The following TIAM1 variants were observed in gnomAD, a reference collection of about 807,000 sequenced individuals.
TIAM1 encodes the protein rho guanine nucleotide exchange factor TIAM1.
Under a neutral mutation model 163.5 loss-of-function variants are expected in TIAM1, and 65 were observed. The ratio of observed to expected loss-of-function variants is 0.40; its 90% confidence interval spans 0.33 to 0.49. TIAM1 has a LOEUF of 0.49. Ranked by LOEUF, TIAM1 falls within the 20% of genes least tolerant of loss-of-function variation. The pLI is 0.77. For missense variants in TIAM1, 1,789 were observed against 2,044.7 expected (o/e 0.87, Z 2.41); for synonymous variants, 833 against 810.1 (o/e 1.03, Z -0.48).
chr21:31,337,020 C>T (rs1368304146), intron 2 of TIAM1, among the ~76,000 whole-genome samples: 7 of 152,194 alleles, frequency 4.6e-5, no homozygotes, highest in Non-Finnish European at 8.8e-5. Flanking sequence ...TGGAGGAACA[C>T]ACAATAGCAC....
At chr21:31,258,193 G>A (rs887107460) in intron 4 of TIAM1, among the ~76,000 whole-genome samples, 3 of 152,110 alleles carry the variant, frequency 2.0e-5, no homozygotes, top group Non-Finnish European at 4.4e-5. Flanking sequence ...CGAGCTTGTG[G>A]ATCTTTCCTT....
chr21:31,320,719 C>T (rs1762856), intron 2 of TIAM1, among the ~76,000 whole-genome samples: 60,454 of 152,026 alleles, frequency 0.4, 12,291 homozygotes, highest in South Asian at 0.53. Context: ...TTGGGCTGGG[C>T]GCGGCGGCTC....
chr21:31,292,047 G>C (rs1210496043), intron 2 of TIAM1, among the ~76,000 whole-genome samples: 4 of 152,182 alleles, frequency 2.6e-5, no homozygotes, highest in Non-Finnish European at 4.4e-5. Context: ...CATAGGCTTA[G>C]GATCTGAGAG....
At chr21:31,394,605 G>C (rs1253929531) in intron 2 of TIAM1, among the ~76,000 whole-genome samples, 2 of 152,000 alleles carry the variant, frequency 1.3e-5, no homozygotes, top group Admixed American at 1.3e-4. Context: ...GAGTGAGAGA[G>C]GAAGGGGCGT....
chr21:31,152,289 T>TC (rs575519869), intron 19 of TIAM1, among the ~76,000 whole-genome samples: 32 of 152,304 alleles, frequency 2.1e-4, no homozygotes, highest in African/African-American at 7.2e-4. Flanking sequence ...CGCCTTGGCC[T>TC]CCCAAAGTGC....
chr21:31,439,062 T>C (rs1318232765), intron 2 of TIAM1, among the ~76,000 whole-genome samples: 3 of 152,182 alleles, frequency 2.0e-5, no homozygotes, highest in Non-Finnish European at 4.4e-5. Context: ...AGCGATTACC[T>C]GATGTCATGC....
At chr21:31,320,989 CA>C (rs113119269) in intron 2 of TIAM1, among the ~76,000 whole-genome samples, 1,897 of 137,150 alleles carry the variant, frequency 0.014, 37 homozygotes, top group African/African-American at 0.044. Context: ...GACTCTGTCT[CA>C]AAAAAAAAAA....
chr21:31,485,066 A>G (rs747216403), intron 1 of TIAM1, among the ~76,000 whole-genome samples: 2 of 151,582 alleles, frequency 1.3e-5, no homozygotes, highest in Non-Finnish European at 2.9e-5. Context: ...CCGTGAGCCA[A>G]ATAAACTTCT....
intron 6 of TIAM1, among the ~76,000 whole-genome samples, chr21:31,239,754 T>C (rs866069766): frequency 3.3e-5 from 5 of 152,128 alleles, no homozygotes; most frequent in South Asian, 2.1e-4. Context: ...AAAGATGATA[T>C]TGAAATGGTC....
chr21:31,409,655 G>A (rs2077311247), intron 2 of TIAM1, among the ~76,000 whole-genome samples: 2 of 152,264 alleles, frequency 1.3e-5, no homozygotes, highest in Non-Finnish European at 2.9e-5. Flanking sequence ...CGCTTCCCTT[G>A]CAGCCATGGC....
At position 31,451,710 on chromosome 21, in the gene TIAM1, TGTGTGTGC is replaced by T. The variant is rs1416744828; in HGVS notation, c.-369+12265_-369+12272del. 1.1e-3 allele frequency among the ~76,000 whole-genome samples: 62 copies of T among 54,968 alleles called. 1 individual carries two copies. Among genetic ancestry groups the T allele is most frequent in the South Asian group, 2.1e-3 (2 of 954 alleles). The allele number at this position is 54,968 out of a possible 152,430, so 36.1% of individuals were successfully genotyped here. ...CCAGGCACCAGGCTGAGTGAAAGCA[TGTGTGTGC>T]GTGTGTGTGTGTGTGTGTGTGTGTG... On this transcript the variant is annotated intron_variant, in intron 2 of 28. Coordinates refer to the TIAM1 transcript ENST00000286827.
chr21:31,327,589 C>G (rs11088167), intron 2 of TIAM1, among the ~76,000 whole-genome samples: 2 of 130,902 alleles, frequency 1.5e-5, no homozygotes, highest in South Asian at 5.2e-4. Context: ...TTGCAGTGAG[C>G]TGAGATGTGC....
chr21:31,190,114 T>A (rs1230665250), intron 13 of TIAM1, among the ~76,000 whole-genome samples: 1 of 152,046 alleles, frequency 6.6e-6, no homozygotes, highest in African/African-American at 2.4e-5. Flanking sequence ...AATTAAGTGA[T>A]GAAACTAAGG....
At chr21:31,458,491 A>AAT (rs1167811863) in intron 2 of TIAM1, among the ~76,000 whole-genome samples, 1 of 152,160 alleles carries the variant, frequency 6.6e-6, no homozygotes, top group Non-Finnish European at 1.5e-5. Context: ...GATAGATCAC[A>AAT]ATATATATTT....
At chr21:31,396,387 G>A (rs568480767) in intron 2 of TIAM1, among the ~76,000 whole-genome samples, 205 of 152,002 alleles carry the variant, frequency 1.3e-3, no homozygotes, top group Admixed American at 2.0e-3. Flanking sequence ...CTCCCTCCAC[G>A]CAGACCTCAG....
chr21:31,507,198 T>C (rs2047061682), intron 1 of TIAM1, among the ~76,000 whole-genome samples: 1 of 83,248 alleles, frequency 1.2e-5, no homozygotes, highest in Non-Finnish European at 2.4e-5. Context: ...TTTTTTTTTT[T>C]TTTTTTTTTT....
intron 1 of TIAM1, among the ~76,000 whole-genome samples, chr21:31,489,092 G>T (rs1467055748): frequency 1.5e-4 from 23 of 151,720 alleles, no homozygotes; most frequent in African/African-American, 5.3e-4. Context: ...ACTGTGGGCC[G>T]GGTGCAGTAG....
intron 2 of TIAM1, among the ~76,000 whole-genome samples, chr21:31,411,150 C>G (rs1351913851): frequency 6.6e-6 from 1 of 152,000 alleles, no homozygotes; most frequent in East Asian, 1.9e-4. Flanking sequence ...GAAGTAGCAC[C>G]CCACAGAAAA....
intron 3 of TIAM1, 21 bp from the exon 4 acceptor site, chr21:31,267,004 A>T (rs747422960): frequency 2.2e-5 from 35 of 1,570,144 alleles, no homozygotes; most frequent in Non-Finnish European, 2.8e-5. Context: ...GCGGGGGGAA[A>T]GGGGAGAATT....
Sources: allele counts gnomAD v4.1 joint callset (sites outside exome capture counted in the v4.1 genomes callset), GRCh38; gene constraint gnomAD v4.1.1; transcripts MANE v1.5; gene names NCBI Gene and HGNC (gene_info 2026-07-23, HGNC 2026-07-21).